The following ANPEP variants were observed in gnomAD, a reference collection of about 807,000 sequenced individuals.
The protein encoded by ANPEP is alanyl aminopeptidase, membrane, also known as aminopeptidase N.
A neutral mutation model predicts 114.6 loss-of-function variants in ANPEP; 70 were observed. The observed-to-expected ratio is 0.61, with a 90% confidence interval of 0.50 to 0.75. The LOEUF (loss-of-function observed/expected upper bound fraction) is 0.75. Ranked by LOEUF, ANPEP falls within the 30% of genes least tolerant of loss-of-function variation. ANPEP has a pLI of 0.00. For missense variants in ANPEP, 1,184 were observed against 1,259.5 expected, an observed-to-expected ratio of 0.94 and a Z score of 0.91; for synonymous variants, 548 against 522.3, an observed-to-expected ratio of 1.05 and a Z score of -0.67.
intron 1 of ANPEP, among the ~76,000 whole-genome samples, chr15:89,811,129 A>G (rs1325283439): frequency 6.6e-6 from 1 of 152,218 alleles, no homozygotes; most frequent in East Asian, 1.9e-4. Context: ...GCAGTTAAGG[A>G]TGGAACTTCA....
At position 89,804,214 on chromosome 15, in the gene ANPEP, CCT is replaced by C. The variant is rs112127512; in HGVS notation, c.1179+37_1179+38del. The C allele has an allele frequency of 2.1e-3, 3,324 of 1,611,622 alleles. 56 individuals carry two copies. In the African/African-American group the frequency reaches 0.021, roughly 10 times the overall value. On this transcript the variant is annotated intron_variant, in intron 6 of 20. Coordinates refer to ENST00000300060, the MANE Select transcript of ANPEP (RefSeq NM_001150.3). ...ACTTGCGCCGTCTCCTCTCGGAGCC[CCT>C]GTTTCCTTCTCCGCACTCCCCGAGA... is the stretch of plus-strand genomic sequence containing the variant.
At chr15:89,790,644 T>A in intron 19 of ANPEP, 103 bp from the exon 20 acceptor site, 2 of 1,049,706 alleles carry the variant, frequency 1.9e-6, no homozygotes, top group Non-Finnish European at 2.9e-6. Flanking sequence ...GGAGATGAAA[T>A]GACACGCCCT....
intron 20 of ANPEP, among the ~76,000 whole-genome samples, chr15:89,789,637 G>T (rs1038913585): frequency 2.0e-5 from 3 of 151,844 alleles, no homozygotes; most frequent in Non-Finnish European, 4.4e-5. Flanking sequence ...GCCGGGTGTG[G>T]GGGCGCATGC....
intron 1 of ANPEP, among the ~76,000 whole-genome samples, chr15:89,814,408 G>A (rs1278921798): frequency 6.6e-6 from 1 of 151,884 alleles, no homozygotes; most frequent in Non-Finnish European, 1.5e-5. Context: ...GAGTGGCCGC[G>A]GCCGAGCCGG....
Position 89,803,855 on chromosome 15 carries a change from C to T in ANPEP, c.1293+34G>A, listed in dbSNP as rs200114715. ...GCGGTGGCCCAGGTCTCCCTCCATG[C>T]CCCCCGCACCAGACCCCTGGGCAGC... On this transcript the variant is annotated intron_variant, in intron 7 of 20. Coordinates refer to ENST00000300060, the MANE Select transcript of ANPEP (RefSeq NM_001150.3). This position sits in a 1 kb window ranked among gnomAD's most constrained non-coding sequence, Gnocchi z 4.2. The T allele has an allele frequency of 1.9e-6, 3 of 1,613,580 alleles. No individual in the cohort carries two copies. The highest frequency in any genetic ancestry group is 1.7e-5 in the Admixed American group (1 of 60,014).
intron 5 of ANPEP, 42 bp from the exon 6 acceptor site, chr15:89,804,449 G>C (rs1877934027): frequency 6.2e-7 from 1 of 1,613,932 alleles, no homozygotes. Context: ...TCCGGGAGTG[G>C]AGCTCCATCC....
In ANPEP at chr15:89,805,231, A is replaced by G. The variant is rs943982739; in HGVS notation, c.758-14T>C. On this transcript the variant is annotated splice_polypyrimidine_tract_variant and intron_variant, in intron 3 of 20. Transcript: ENST00000300060. The stretch of plus-strand genomic sequence containing the variant: ...GGGTGCTGGGACCTGGGCAGGGAGC[A>G]TGTGTGTGTGAGGACGTACCCTCCT... 5.6e-6 allele frequency: 9 copies of G among 1,614,154 alleles called. No individual in the cohort carries two copies. The highest frequency in any genetic ancestry group is 7.6e-6 in the Non-Finnish European group (9 of 1,180,012).
chr15:89,790,436 C>G, intron 20 of ANPEP, 24 bp downstream of exon 20: 2 of 1,608,196 alleles, frequency 1.2e-6, no homozygotes, highest in Non-Finnish European at 1.7e-6. Flanking sequence ...AGGCAGAGCC[C>G]AGGTCTGGGG....
At position 89,814,792 on chromosome 15, in the gene ANPEP, ACCTGGACCCTGGAC is replaced by A. The variant is rs1240694463; in HGVS notation, c.-258_-245del. 6.6e-6 allele frequency: 1 copy of A among 151,940 alleles called. No individual in the cohort carries two copies. The highest frequency in any genetic ancestry group is 1.9e-4 in the East Asian group (1 of 5,136). The allele number at this position is 151,940 out of a possible 1,614,324, so 9.4% of individuals were successfully genotyped here. A position where few individuals can be genotyped will look rare whatever the true frequency, so the allele number is the denominator to read the frequency against. The stretch of plus-strand genomic sequence containing the variant: ...CTTGCCTGGGCCGCCGGGCGCTGGA[ACCTGGACCCTGGAC>A]CCTGGCGGGTTCCGAGCTGCGCCGC... On this transcript the variant is annotated 5_prime_UTR_variant, in exon 1 of 21. Transcript: ENST00000300060.
At chr15:89,792,881 G>A (rs113004502) in intron 16 of ANPEP, among the ~76,000 whole-genome samples, 154 bp downstream of exon 16, 12 of 152,332 alleles carry the variant, frequency 7.9e-5, no homozygotes, top group African/African-American at 2.6e-4. Context: ...AGGCCACATG[G>A]AGCCTCAGGG....
rs777013681 is a variant in ANPEP, at chr15:89,799,300, T to G, written c.1969A>C (p.Asn657His). The G allele has an allele frequency of 2.5e-6, 4 of 1,614,178 alleles. No individual in the cohort carries two copies. The highest frequency in any genetic ancestry group is 1.7e-5 in the Admixed American group (1 of 60,032). Reference protein sequence around the residue: ...QRDHSAIPVINRAQIINDAFN... With the variant: ...QRDHSAIPVIHRAQIINDAFN... ...GCGTCATTAATGATCTGTGCCCGAT[T>G]GATGACAGGGATGGCCTAGAATGCG... The change falls in exon 14 of 21, where the codon AAT becomes CAT. Residue 657 changes from asparagine (N) to histidine (H), a missense_variant. Physicochemically the swap from Asn to His is moderately conservative, Grantham distance 68. Transcript: ENST00000300060. The surrounding 1 kb of genome is among the most constrained non-coding windows in gnomAD (Gnocchi z 4.2).
In ANPEP at chr15:89,801,618, AGC is replaced by A; in HGVS notation, c.1570-13_1570-12del. ...CCGGTTGTTCACAGCCTGTGGGTGGAGCGAGAGGGCGTGGCCATCAGTGGGAC... is the reference window on the plus strand; with the variant it reads ...CCGGTTGTTCACAGCCTGTGGGTGGAGAGAGGGCGTGGCCATCAGTGGGAC... On this transcript the variant is annotated splice_polypyrimidine_tract_variant and intron_variant, in intron 10 of 20. Coordinates refer to ENST00000300060, the MANE Select transcript of ANPEP (RefSeq NM_001150.3). The A allele has an allele frequency of 1.2e-6, 2 of 1,611,778 alleles. No homozygotes were observed. The highest frequency in any genetic ancestry group is 8.5e-7 in the Non-Finnish European group (1 of 1,178,516).
chr15:89,790,588 G>A lies in ANPEP; in HGVS notation c.2670-47C>T, dbSNP rs201931192. 5.5e-4 allele frequency: 845 copies of A among 1,534,018 alleles called. 1 individual carries two copies. Among genetic ancestry groups the A allele is most frequent in the Admixed American group, 1.8e-3 (105 of 59,518 alleles). On this transcript the variant is annotated intron_variant, in intron 19 of 20. Coordinates refer to ENST00000300060, the MANE Select transcript of ANPEP (RefSeq NM_001150.3). ...AACTGTGAGGGAGGCCGGGAACTAA[G>A]GAGGCTCATCCTCACACCTACTGGG...
chr15:89,791,599 A>T (rs28556743), intron 18 of ANPEP, among the ~76,000 whole-genome samples: 37,488 of 135,046 alleles, frequency 0.28, 5,039 homozygotes, highest in South Asian at 0.32. Flanking sequence ...CACCATGCCT[A>T]TTTTTTTTTT....
intron 20 of ANPEP, among the ~76,000 whole-genome samples, chr15:89,789,539 G>T (rs577266971): frequency 6.6e-6 from 1 of 151,766 alleles, no homozygotes; most frequent in African/African-American, 2.4e-5. Context: ...TTGGGAGACC[G>T]AGGTGGGTGG....
Position 89,799,614 on chromosome 15 carries a change from C to A in ANPEP, c.1820-55G>T. ...CTGCTCAGAGGCCATGGGCTGACCC[C>A]TGGACCTCTTGCAAGAGCAGCTGCC... On this transcript the variant is annotated intron_variant, in intron 12 of 20. Transcript: ENST00000300060. The surrounding 1 kb of genome is among the most constrained non-coding windows in gnomAD (Gnocchi z 4.2). The A allele has an allele frequency of 6.2e-7, 1 of 1,608,546 alleles. No homozygotes were observed. Among genetic ancestry groups the A allele is most frequent in the Non-Finnish European group, 8.5e-7 (1 of 1,176,406 alleles).
intron 20 of ANPEP, among the ~76,000 whole-genome samples, chr15:89,789,809 G>A (rs1019612281): frequency 1.7e-4 from 25 of 145,710 alleles, no homozygotes; most frequent in African/African-American, 6.4e-4. Flanking sequence ...CGTGGCTCAC[G>A]CCTGTAATCC....
In ANPEP at chr15:89,799,772, C is replaced by T. The variant is rs1894549916; in HGVS notation, c.1820-213G>A. Among the ~76,000 whole-genome samples the T allele has an allele frequency of 6.6e-6, 1 of 152,204 alleles. No individual in the cohort carries two copies. The highest frequency in any genetic ancestry group is 2.4e-5 in the African/African-American group (1 of 41,452). ...ATGAAGATGACATGCCACCCCAAAC[C>T]TCAGAACCTGCCCTGCCTCCCTAGG... On this transcript the variant is annotated intron_variant, in intron 12 of 20. Coordinates refer to ENST00000300060, the MANE Select transcript of ANPEP (RefSeq NM_001150.3). This position sits in a 1 kb window ranked among gnomAD's most constrained non-coding sequence, Gnocchi z 4.2.
intron 1 of ANPEP, among the ~76,000 whole-genome samples, chr15:89,811,003 C>T (rs1894806347): frequency 6.6e-6 from 1 of 152,230 alleles, no homozygotes; most frequent in African/African-American, 2.4e-5. Flanking sequence ...CCCAGGCAGC[C>T]CTCCAAGTGC....
Sources: gnomAD v4.1 joint callset for allele counts (sites outside exome capture counted in the v4.1 genomes callset) on GRCh38, gnomAD v4.1.1 for gene constraint, Gnocchi (gnomAD v3.1) non-coding constraint, MANE v1.5 for transcripts, NCBI Gene and HGNC (gene_info 2026-07-23, HGNC 2026-07-21) for gene names.